SNX29: variants seen among roughly 807,000 people sequenced by gnomAD.
SNX29 encodes sorting nexin-29.
A neutral mutation model predicts 102.1 loss-of-function variants in SNX29; 78 were observed. That is an observed-to-expected ratio of 0.76 (90% CI 0.64 to 0.92). The LOEUF (loss-of-function observed/expected upper bound fraction) is 0.92. Ranked by LOEUF, SNX29 falls within the 40% of genes least tolerant of loss-of-function variation. The pLI, the probability that SNX29 is intolerant of heterozygous loss-of-function variation, is 0.00. For missense variants in SNX29, 1,280 were observed against 1,061.7 expected (o/e 1.21, Z -2.86); for synonymous variants, 580 against 414.5 (o/e 1.40, Z -4.85).
At chr16:12,424,286 C>G (rs1008831152) in intron 18 of SNX29, among the ~76,000 whole-genome samples, 1 of 152,164 alleles carries the variant, frequency 6.6e-6, no homozygotes, top group Admixed American at 6.5e-5. Context: ...GAGTCTTTGA[C>G]CAGGAGGCCC....
intron 18 of SNX29, among the ~76,000 whole-genome samples, chr16:12,439,008 T>C (rs2085671733): frequency 6.6e-6 from 1 of 152,200 alleles, no homozygotes; most frequent in South Asian, 2.1e-4. Flanking sequence ...GACCATTGTC[T>C]TCCATCGTGG....
chr16:12,168,617 G>C (rs1322733529), intron 13 of SNX29, among the ~76,000 whole-genome samples: 1 of 152,170 alleles, frequency 6.6e-6, no homozygotes, highest in African/African-American at 2.4e-5. Flanking sequence ...GCATTGGCGT[G>C]GTTTCTGGAG....
At chr16:12,209,083 G>C (rs1025255868) in intron 14 of SNX29, among the ~76,000 whole-genome samples, 2 of 152,226 alleles carry the variant, frequency 1.3e-5, no homozygotes, top group Middle Eastern at 3.4e-3. Context: ...TGAAAATCTC[G>C]GTTTACTAAT....
intron 11 of SNX29, among the ~76,000 whole-genome samples, chr16:12,106,517 A>AG (rs1263370353): frequency 6.6e-6 from 1 of 151,888 alleles, no homozygotes; most frequent in Non-Finnish European, 1.5e-5. Context: ...GCAGTCACCC[A>AG]GGCTGCAGCG....
chr16:12,513,094 T>G (rs1348627306), intron 19 of SNX29, among the ~76,000 whole-genome samples: 1 of 150,924 alleles, frequency 6.6e-6, no homozygotes, highest in Non-Finnish European at 1.5e-5. Flanking sequence ...CTGCCCTGCG[T>G]ACCCCTTCCT....
intron 11 of SNX29, chr16:12,090,248 A>C (rs2052452077): frequency 6.6e-6 from 1 of 152,322 alleles, no homozygotes; most frequent in Non-Finnish European, 1.5e-5. Flanking sequence ...GTACTAGCTT[A>C]GTAAGGCATT....
chr16:12,513,399 CCCTCT>C (rs1361787641), intron 19 of SNX29, among the ~76,000 whole-genome samples: 2 of 151,902 alleles, frequency 1.3e-5, no homozygotes, highest in African/African-American at 2.4e-5. Flanking sequence ...CCTTCCCCTC[CCCTCT>C]ACTCAGTTCT....
At chr16:12,146,571 A>G (rs773598723) in intron 13 of SNX29, among the ~76,000 whole-genome samples, 5 of 152,150 alleles carry the variant, frequency 3.3e-5, no homozygotes, top group Non-Finnish European at 7.4e-5. Context: ...CAGCCAAGAG[A>G]TATGAATGTT....
At position 12,356,270 on chromosome 16, in the gene SNX29, C is replaced by A; in HGVS notation, c.1890C>A (p.Leu630=). 1 of 1,603,428 alleles carries A rather than the reference C, an allele frequency of 6.2e-7. No individual in the cohort carries two copies. The highest frequency in any genetic ancestry group is 8.5e-7 in the Non-Finnish European group (1 of 1,175,404). ...VSQMRQELID[L]RGPVPGDLSQ... ...AGATGAGGCAGGAGCTCATCGATCT[C>A]CGGGGACCGGTGAGTGTTTCCCCAA... Residue 630 remains leucine, a synonymous_variant, in exon 16 of 21, where the codon CTC becomes CTA. Coordinates refer to ENST00000566228, the MANE Select transcript of SNX29 (RefSeq NM_032167.5).
At chr16:12,558,086 A>G (rs1260217014) in intron 20 of SNX29, among the ~76,000 whole-genome samples, 4 of 152,214 alleles carry the variant, frequency 2.6e-5, no homozygotes, top group African/African-American at 9.6e-5. Context: ...CATCCCATGC[A>G]AAGTGGGGAC....
At chr16:12,504,124 C>G (rs1188141648) in intron 19 of SNX29, among the ~76,000 whole-genome samples, 1 of 152,134 alleles carries the variant, frequency 6.6e-6, no homozygotes, top group South Asian at 2.1e-4. Context: ...TCTCCCTGTT[C>G]TGAACATTTC....
chr16:12,217,392 G>A lies in SNX29; in HGVS notation c.1678+17709G>A, dbSNP rs1038703336. On this transcript the variant is annotated intron_variant, in intron 14 of 20. Coordinates refer to ENST00000566228, the MANE Select transcript of SNX29 (RefSeq NM_032167.5). The stretch of plus-strand genomic sequence containing the variant: ...GCTTTTGATGAGCCATCTGGGAGGA[G>A]GTTCTGGCTTTGCTAGAGATACGGT... Among the ~76,000 whole-genome samples, 7 of 152,324 alleles carry A rather than the reference G, an allele frequency of 4.6e-5. 1 individual carries two copies. The South Asian group carries it at 6.2e-4, about 14-fold the overall frequency.
chr16:12,494,720 G>T (rs146516238), intron 19 of SNX29, among the ~76,000 whole-genome samples: 149 of 152,238 alleles, frequency 9.8e-4, no homozygotes, highest in Non-Finnish European at 1.3e-3. Context: ...TTTGTAATGA[G>T]TTTTGAAGCT....
chr16:12,404,445 G>T (rs542594875), intron 18 of SNX29, among the ~76,000 whole-genome samples: 1 of 152,136 alleles, frequency 6.6e-6, no homozygotes, highest in East Asian at 1.9e-4. Context: ...TGATTTCCAG[G>T]CTTTGGTGTG....
intron 14 of SNX29, among the ~76,000 whole-genome samples, chr16:12,268,903 A>G (rs1240607639): frequency 6.6e-6 from 1 of 152,186 alleles, no homozygotes; most frequent in Non-Finnish European, 1.5e-5. Flanking sequence ...AGCTCAGCAC[A>G]GTTTCTACCT....
intron 15 of SNX29, among the ~76,000 whole-genome samples, chr16:12,335,942 T>A (rs918215906): frequency 4.6e-5 from 7 of 151,800 alleles, no homozygotes; most frequent in Non-Finnish European, 1.0e-4. Flanking sequence ...GGACTCCACC[T>A]CCACCGCTAC....
chr16:12,111,243 C>G (rs1435701413), intron 11 of SNX29, among the ~76,000 whole-genome samples: 1 of 152,168 alleles, frequency 6.6e-6, no homozygotes, highest in Admixed American at 6.5e-5. Context: ...CTGTACCCTT[C>G]CACCCCTGCA....
chr16:12,021,077 T>C (rs1370949770), intron 3 of SNX29, among the ~76,000 whole-genome samples: 1 of 152,220 alleles, frequency 6.6e-6, no homozygotes, highest in Non-Finnish European at 1.5e-5. Flanking sequence ...GATAATCCAG[T>C]CCATTTTCAT....
intron 16 of SNX29, chr16:12,376,099 T>G (rs984749040): frequency 5.3e-5 from 8 of 150,732 alleles, no homozygotes; most frequent in Non-Finnish European, 1.0e-4. Context: ...ATCTGTTCAT[T>G]AGGACAGAGG....
Sources: gnomAD v4.1 joint callset for allele counts (sites outside exome capture counted in the v4.1 genomes callset) on GRCh38, gnomAD v4.1.1 for gene constraint, MANE v1.5 for transcripts, NCBI Gene and HGNC (gene_info 2026-07-23, HGNC 2026-07-21) for gene names.